PTPRD: variants seen among roughly 807,000 people sequenced by gnomAD.
PTPRD encodes the protein protein tyrosine phosphatase receptor type D.
Under a neutral mutation model 214.5 loss-of-function variants are expected in PTPRD, and 34 were observed. The observed-to-expected ratio is 0.16, with a 90% CI of 0.12 to 0.21. The LOEUF (loss-of-function observed/expected upper bound fraction) is 0.21, where lower values mean the gene tolerates loss of function less well. PTPRD is among the 10% of genes least tolerant of loss of function. PTPRD has a pLI of 1.00. For missense variants in PTPRD, 2,545 were observed against 2,398.7 expected (o/e 1.06, Z -1.27); for synonymous variants, 1,128 against 845.7 (o/e 1.33, Z -5.79).
intron 2 of PTPRD, among the ~76,000 whole-genome samples, chr9:10,519,592 C>T (rs1411984923): frequency 6.6e-6 from 1 of 152,078 alleles, no homozygotes. Context: ...TGCTTCACAG[C>T]TATTGCATTT....
At chr9:9,662,169 G>A (rs925325813) in intron 7 of PTPRD, among the ~76,000 whole-genome samples, 1 of 151,636 alleles carries the variant, frequency 6.6e-6, no homozygotes, top group African/African-American at 2.4e-5. Context: ...AAAATATCTT[G>A]AGAGCTTGGA....
At chr9:9,786,591 A>T (rs1484686927) in intron 5 of PTPRD, among the ~76,000 whole-genome samples, 1 of 152,154 alleles carries the variant, frequency 6.6e-6, no homozygotes, top group Non-Finnish European at 1.5e-5. Flanking sequence ...CAAGACGAGG[A>T]GTACTTTAAA....
chr9:8,709,292 A>T (rs1275747688), intron 12 of PTPRD, among the ~76,000 whole-genome samples: 1 of 152,014 alleles, frequency 6.6e-6, no homozygotes, highest in Non-Finnish European at 1.5e-5. Context: ...AGGTGGGCGG[A>T]TCACGAGGTC....
At chr9:8,571,548 C>A (rs1415518003) in intron 14 of PTPRD, among the ~76,000 whole-genome samples, 1 of 152,068 alleles carries the variant, frequency 6.6e-6, no homozygotes, top group Non-Finnish European at 1.5e-5. Context: ...GTCCAAAAAT[C>A]AATGGTTTTC....
At chr9:10,390,790 A>C (rs993732474) in intron 2 of PTPRD, among the ~76,000 whole-genome samples, 2 of 151,718 alleles carry the variant, frequency 1.3e-5, no homozygotes, top group South Asian at 4.1e-4. Flanking sequence ...TATTCATATG[A>C]CACATGTCTG....
At chr9:10,167,994 C>T (rs1423540364) in intron 3 of PTPRD, among the ~76,000 whole-genome samples, 1 of 152,168 alleles carries the variant, frequency 6.6e-6, no homozygotes, top group East Asian at 1.9e-4. Flanking sequence ...GCTCATTGTA[C>T]CTCAGTGACC....
At chr9:9,705,062 T>A (rs1490318970) in intron 7 of PTPRD, among the ~76,000 whole-genome samples, 3 of 152,182 alleles carry the variant, frequency 2.0e-5, no homozygotes, top group Non-Finnish European at 4.4e-5. Context: ...TTTCTTTTGT[T>A]TAATGGAAGC....
chr9:10,523,620 T>TAGAGAGAGAGAG (rs749067548), intron 2 of PTPRD, among the ~76,000 whole-genome samples: 1 of 128,614 alleles, frequency 7.8e-6, no homozygotes, highest in Non-Finnish European at 1.6e-5. Context: ...TATATATATA[T>TAGAGAGAGAGAG]ATAGACAGAA....
chr9:9,066,486 G>C (rs1590924082), intron 10 of PTPRD, among the ~76,000 whole-genome samples: 1 of 152,066 alleles, frequency 6.6e-6, no homozygotes, highest in East Asian at 1.9e-4. Context: ...TAAAAAAATG[G>C]TCTCCCAAAA....
At chr9:9,119,994 T>C (rs1251656585) in intron 10 of PTPRD, among the ~76,000 whole-genome samples, 1 of 152,130 alleles carries the variant, frequency 6.6e-6, no homozygotes, top group African/African-American at 2.4e-5. Flanking sequence ...AAAAAGAAAT[T>C]TGTGTTTGGG....
chr9:8,531,965 A>C (rs916643826), intron 14 of PTPRD, among the ~76,000 whole-genome samples: 12 of 152,098 alleles, frequency 7.9e-5, no homozygotes, highest in East Asian at 3.9e-4. Flanking sequence ...TTCCTGGCTC[A>C]TAAAGAACAC....
intron 44 of PTPRD, among the ~76,000 whole-genome samples, chr9:8,327,626 G>T (rs1055905269): frequency 6.6e-6 from 1 of 152,100 alleles, no homozygotes; most frequent in East Asian, 1.9e-4. Flanking sequence ...GTCTAATATT[G>T]ACAGTGGGGT....
intron 14 of PTPRD, among the ~76,000 whole-genome samples, chr9:8,613,711 T>C (rs1000762482): frequency 2.6e-5 from 4 of 152,146 alleles, no homozygotes; most frequent in African/African-American, 9.7e-5. Flanking sequence ...CTGAGCCTGA[T>C]TTGGCTGTCT....
At chr9:8,766,165 C>T (rs1374590885) in intron 11 of PTPRD, among the ~76,000 whole-genome samples, 1 of 151,186 alleles carries the variant, frequency 6.6e-6, no homozygotes, top group Non-Finnish European at 1.5e-5. Context: ...TTGGTTCAAC[C>T]CCATTTCGTT....
chr9:9,870,117 T>A (rs2065044434), intron 5 of PTPRD, among the ~76,000 whole-genome samples: 2 of 152,016 alleles, frequency 1.3e-5, no homozygotes, highest in South Asian at 4.1e-4. Context: ...ATACAACAAA[T>A]GGAAAAGGTA....
At chr9:8,708,185 C>A (rs1169145139) in intron 12 of PTPRD, among the ~76,000 whole-genome samples, 2 of 152,144 alleles carry the variant, frequency 1.3e-5, no homozygotes, top group African/African-American at 4.8e-5. Flanking sequence ...TACCATGTCT[C>A]AGCCAATGTG....
intron 7 of PTPRD, among the ~76,000 whole-genome samples, chr9:9,617,543 A>C (rs968319167): frequency 6.6e-6 from 1 of 152,182 alleles, no homozygotes; most frequent in African/African-American, 2.4e-5. Context: ...ATGGCTGAGC[A>C]GGTATTTCGT....
intron 9 of PTPRD, among the ~76,000 whole-genome samples, chr9:9,363,220 G>C (rs1189596713): frequency 6.7e-6 from 1 of 149,334 alleles, no homozygotes; most frequent in African/African-American, 2.5e-5. Flanking sequence ...GGAATGATAA[G>C]GCCACAAGAG....
chr9:10,263,371 G>A (rs568091593), intron 3 of PTPRD, among the ~76,000 whole-genome samples: 10 of 152,252 alleles, frequency 6.6e-5, no homozygotes, highest in Middle Eastern at 3.4e-3. Context: ...AAAATGTGGC[G>A]AAGTTTGGAA....
Sources: allele counts gnomAD v4.1 joint callset (sites outside exome capture counted in the v4.1 genomes callset), GRCh38; gene constraint gnomAD v4.1.1; transcripts MANE v1.5; gene names NCBI Gene and HGNC (gene_info 2026-07-23, HGNC 2026-07-21).